Variants in COL11A1 observed in about 807,000 individuals in gnomAD.
COL11A1 encodes the protein collagen alpha-1(XI) chain.
COL11A1 carries 74 observed loss-of-function variants against 265.2 expected under a neutral mutation model. The ratio of observed to expected loss-of-function variants is 0.28; its 90% CI spans 0.23 to 0.34. The LOEUF is 0.34. COL11A1 is among the 10% of genes least tolerant of loss of function. The probability of loss-of-function intolerance (pLI) is 1.00; values close to 1 mark genes in which losing one functional copy is unlikely to be tolerated. For synonymous variants in COL11A1, 816 were observed against 727.6 expected (o/e 1.12, Z -1.96); for missense variants, 2,165 against 2,263.6 (o/e 0.96, Z 0.88).
At chr1:102,917,593 T>C (rs1039982887) in intron 49 of COL11A1, among the ~76,000 whole-genome samples, 2 of 151,924 alleles carry the variant, frequency 1.3e-5, no homozygotes, top group African/African-American at 4.8e-5. Context: ...AAGTTAGAAA[T>C]GCAGAAGAAA....
At chr1:102,918,385 A>G (rs1655594815) in intron 49 of COL11A1, among the ~76,000 whole-genome samples, 1 of 152,100 alleles carries the variant, frequency 6.6e-6, no homozygotes, top group South Asian at 2.1e-4. Flanking sequence ...TTTACAGTAC[A>G]TGAAGAACAG....
intron 4 of COL11A1, 73 bp downstream of exon 4, chr1:103,074,545 C>A: frequency 6.5e-7 from 1 of 1,543,152 alleles, no homozygotes; most frequent in Non-Finnish European, 8.9e-7. Context: ...TGCTATAAAG[C>A]GATATTTTTA....
intron 1 of COL11A1, among the ~76,000 whole-genome samples, chr1:103,091,603 G>A (rs908855589): frequency 1.3e-5 from 2 of 152,014 alleles, no homozygotes; most frequent in Non-Finnish European, 2.9e-5. Flanking sequence ...CAGGACATGG[G>A]AAGTGTTCCA....
intron 1 of COL11A1, among the ~76,000 whole-genome samples, chr1:103,087,495 T>G (rs753337582): frequency 2.6e-5 from 4 of 152,202 alleles, no homozygotes; most frequent in Non-Finnish European, 5.9e-5. Flanking sequence ...AACTTGGATA[T>G]CTGGACACTC....
In COL11A1 at chr1:102,989,588, G is replaced by T. The variant is rs563271014; in HGVS notation, c.2341-17C>A. The T allele has an allele frequency of 1.9e-6, 3 of 1,589,762 alleles. No individual in the cohort carries two copies. The highest frequency in any genetic ancestry group is 3.4e-5 in the Admixed American group (2 of 59,692). The stretch of plus-strand genomic sequence containing the variant: ...ATCTTCACCCTAAAACATTATAAAA[G>T]GAATTAAATAGGAGTTTAATCAGTC... On this transcript the variant is annotated splice_polypyrimidine_tract_variant and intron_variant, in intron 28 of 66. Coordinates refer to ENST00000370096, the MANE Select transcript of COL11A1 (RefSeq NM_001854.4).
intron 36 of COL11A1, among the ~76,000 whole-genome samples, chr1:102,971,030 A>AAAC (rs67004863): frequency 7.0e-5 from 7 of 100,184 alleles, no homozygotes; most frequent in African/African-American, 2.1e-4. Context: ...AACAAACAAA[A>AAAC]AAAAACCAAG....
chr1:102,898,077 TG>T, intron 57 of COL11A1, 47 bp downstream of exon 57: 1 of 1,274,658 alleles, frequency 7.8e-7, no homozygotes, highest in Non-Finnish European at 1.1e-6. Context: ...TAAACAATTT[TG>T]TTTTAGAAAT....
At chr1:103,098,170 A>C (rs916063292) in intron 1 of COL11A1, among the ~76,000 whole-genome samples, 2 of 151,984 alleles carry the variant, frequency 1.3e-5, no homozygotes, top group Non-Finnish European at 2.9e-5. Context: ...AGTTTATTAC[A>C]TGCTCTGGAG....
chr1:103,094,783 A>G (rs1420819308), intron 1 of COL11A1, among the ~76,000 whole-genome samples: 2 of 152,094 alleles, frequency 1.3e-5, no homozygotes, highest in Non-Finnish European at 2.9e-5. Flanking sequence ...TCAACTGTTT[A>G]TTTTGTCAAT....
intron 64 of COL11A1, 106 bp from the exon 65 acceptor site, chr1:102,881,871 A>T (rs903252998): frequency 2.5e-5 from 21 of 848,706 alleles, no homozygotes; most frequent in Non-Finnish European, 3.8e-6. Context: ...GAAAATAAAG[A>T]GTGCTTAAAA....
chr1:103,058,295 G>T (rs1670393156), intron 4 of COL11A1, among the ~76,000 whole-genome samples: 2 of 152,286 alleles, frequency 1.3e-5, no homozygotes, highest in South Asian at 2.1e-4. Flanking sequence ...TTAAGGCCTT[G>T]TTCTGGATTA....
intron 58 of COL11A1, 43 bp from the exon 59 acceptor site, chr1:102,889,605 A>G (rs764015879): frequency 7.4e-7 from 1 of 1,348,414 alleles, no homozygotes; most frequent in Non-Finnish European, 1.1e-6. Context: ...GTACATTACT[A>G]TCTTCATAAA....
chr1:103,076,492 G>A lies in COL11A1; in HGVS notation c.489-1712C>T, dbSNP rs76430857. ...CTTCTATGACCTCATGAGCTCAGACGCCCCCTGGACTCCTGGCATCCCAGC... is the reference window on the plus strand; with the variant it reads ...CTTCTATGACCTCATGAGCTCAGACACCCCCTGGACTCCTGGCATCCCAGC... On this transcript the variant is annotated intron_variant, in intron 3 of 66. Transcript: ENST00000370096. Among the ~76,000 whole-genome samples the A allele has an allele frequency of 4.6e-5, 7 of 152,018 alleles. No individual in the cohort carries two copies. In the East Asian group the frequency reaches 1.2e-3, roughly 25 times the overall value.
At chr1:103,027,307 T>G (rs1179088645) in intron 5 of COL11A1, among the ~76,000 whole-genome samples, 1 of 148,462 alleles carries the variant, frequency 6.7e-6, no homozygotes, top group East Asian at 2.0e-4. Context: ...TTATTAAACA[T>G]AAGTTAAATT....
At chr1:102,909,185 T>C (rs1234622356) in intron 54 of COL11A1, among the ~76,000 whole-genome samples, 1 of 152,122 alleles carries the variant, frequency 6.6e-6, no homozygotes, top group Non-Finnish European at 1.5e-5. Context: ...GAGTGGCTTC[T>C]CACTCTGTTA....
At chr1:103,042,445 G>C (rs1668885406) in intron 4 of COL11A1, among the ~76,000 whole-genome samples, 1 of 151,878 alleles carries the variant, frequency 6.6e-6, no homozygotes, top group African/African-American at 2.4e-5. Flanking sequence ...TTCACTGTTG[G>C]CACCCCAATT....
chr1:102,940,372 T>C lies in COL11A1; in HGVS notation c.3339A>G (p.Pro1113=). The C allele has an allele frequency of 6.2e-7, 1 of 1,614,054 alleles. No individual in the cohort carries two copies. The highest frequency in any genetic ancestry group is 8.5e-7 in the Non-Finnish European group (1 of 1,179,978). Residue 1113 remains proline (P), a synonymous_variant, in exon 43 of 67, where the codon CCA becomes CCG. Coordinates refer to ENST00000370096, the MANE Select transcript of COL11A1 (RefSeq NM_001854.4). The part of the protein sequence containing the change: ...RDGVQGPVGL[P]GPAGPAGSPG... Reference sequence around the variant, plus strand: ...GGGAGCCGGCAGGACCAGCTGGCCCTGGGAGACCAACAGGACCTTGAACTC... The same window carrying C: ...GGGAGCCGGCAGGACCAGCTGGCCCCGGGAGACCAACAGGACCTTGAACTC...
intron 1 of COL11A1, among the ~76,000 whole-genome samples, chr1:103,090,407 A>C (rs895759514): frequency 1.3e-5 from 2 of 152,194 alleles, no homozygotes; most frequent in African/African-American, 4.8e-5. Context: ...AAAGGATAGA[A>C]AATTGATTAT....
At chr1:102,998,495 C>T in intron 24 of COL11A1, 132 bp from the exon 25 acceptor site, 1 of 535,766 alleles carries the variant, frequency 1.9e-6, no homozygotes, top group Non-Finnish European at 3.2e-6. Flanking sequence ...ATTTAAATAA[C>T]TTTTAAATAT....
Sources: gnomAD v4.1 joint callset for allele counts (sites outside exome capture counted in the v4.1 genomes callset) on GRCh38, gnomAD v4.1.1 for gene constraint, MANE v1.5 for transcripts, NCBI Gene and HGNC (gene_info 2026-07-23, HGNC 2026-07-21) for gene names.